The following PPP1R9A variants were observed in gnomAD, a reference collection of about 807,000 sequenced individuals.
PPP1R9A encodes the protein neurabin-1.
Under a neutral mutation model 141.9 loss-of-function variants are expected in PPP1R9A, and 59 were observed. That is an observed-to-expected ratio of 0.42 (90% CI 0.34 to 0.52). The LOEUF (loss-of-function observed/expected upper bound fraction) is 0.52. Among genes scored for constraint, PPP1R9A ranks in the 20% least tolerant of loss-of-function variants. The pLI is 0.10. For missense variants in PPP1R9A, 1,444 were observed against 1,611.9 expected (o/e 0.90, Z 1.78); for synonymous variants, 500 against 569.7 (o/e 0.88, Z 1.74).
intron 5 of PPP1R9A, chr7:95,175,031 A>C (rs1254742214): frequency 6.6e-6 from 1 of 152,172 alleles, no homozygotes; most frequent in Non-Finnish European, 1.5e-5. Flanking sequence ...TGGCTTCTCC[A>C]AAAAGTCATA....
chr7:95,127,835 T>C (rs1823846384), intron 4 of PPP1R9A, among the ~76,000 whole-genome samples: 1 of 152,206 alleles, frequency 6.6e-6, no homozygotes. Flanking sequence ...CTTGTTGCTG[T>C]GAAGGACATG....
At chr7:95,154,588 ACTT>A (rs1829283898) in intron 4 of PPP1R9A, 1 of 152,090 alleles carries the variant, frequency 6.6e-6, no homozygotes, top group African/African-American at 2.4e-5. Context: ...AGATTCATGA[ACTT>A]CTTATACTAT....
At chr7:95,123,156 GT>G (rs1822935409) in intron 4 of PPP1R9A, among the ~76,000 whole-genome samples, 1 of 151,580 alleles carries the variant, frequency 6.6e-6, no homozygotes, top group Admixed American at 6.6e-5. Context: ...TTAAAATTAG[GT>G]TTGCTTTCTA....
intron 2 of PPP1R9A, among the ~76,000 whole-genome samples, chr7:95,031,422 A>G (rs1807667480): frequency 6.6e-6 from 1 of 152,170 alleles, no homozygotes; most frequent in South Asian, 2.1e-4. Flanking sequence ...CTTGGGCATA[A>G]TATTGGATCT....
At chr7:94,954,861 GTGTA>G (rs909691076) in intron 2 of PPP1R9A, among the ~76,000 whole-genome samples, 4 of 139,118 alleles carry the variant, frequency 2.9e-5, no homozygotes, top group African/African-American at 1.1e-4. Context: ...GTGTGTGTGT[GTGTA>G]TATGTATATG....
At chr7:95,144,191 CT>C (rs2152584770) in intron 4 of PPP1R9A, among the ~76,000 whole-genome samples, 2 of 152,180 alleles carry the variant, frequency 1.3e-5, no homozygotes, top group East Asian at 3.9e-4. Flanking sequence ...GCCTTCTACT[CT>C]GTTTTTGTGT....
chr7:95,161,878 A>G lies in PPP1R9A; in HGVS notation c.1661A>G (p.Asn554Ser). Reference sequence around the variant, plus strand: ...TCCTCTTTCTAAAGAATACAAGTCAATGACCAGATTGTGGAAGTGGATGGA... The same window carrying G: ...TCCTCTTTCTAAAGAATACAAGTCAGTGACCAGATTGTGGAAGTGGATGGA... ...AAQRDGRIQV[N>S]DQIVEVDGIS... The change falls in exon 5 of 20, where the codon AAT becomes AGT. Residue 554 changes from asparagine to serine, a missense_variant. Coordinates refer to ENST00000433360, the MANE Select transcript of PPP1R9A (RefSeq NM_001166160.2). 1 of 1,607,876 alleles carries G rather than the reference A, an allele frequency of 6.2e-7. No homozygotes were observed.
chr7:94,950,089 A>AT (rs1159617697), intron 2 of PPP1R9A, among the ~76,000 whole-genome samples: 1 of 152,058 alleles, frequency 6.6e-6, no homozygotes, highest in East Asian at 1.9e-4. Flanking sequence ...ATAAGTTAGG[A>AT]TTTTATGGAA....
intron 2 of PPP1R9A, 46 bp from the exon 3 acceptor site, chr7:95,111,212 GT>G (rs759836663): frequency 0.03 from 36,108 of 1,203,512 alleles, 15 homozygotes; most frequent in South Asian, 0.037. Context: ...TACCTGGCAG[GT>G]TTTTTTTTTT....
intron 2 of PPP1R9A, among the ~76,000 whole-genome samples, chr7:95,081,397 AG>A (rs1815809331): frequency 6.6e-6 from 1 of 152,184 alleles, no homozygotes; most frequent in African/African-American, 2.4e-5. Context: ...TTGAGGTGCT[AG>A]AGAAAAACGT....
intron 5 of PPP1R9A, among the ~76,000 whole-genome samples, chr7:95,167,750 T>A (rs1831483835): frequency 6.6e-6 from 1 of 151,664 alleles, no homozygotes; most frequent in South Asian, 2.1e-4. Flanking sequence ...GCTGTTTCTA[T>A]ACAAAAATAA....
chr7:94,994,785 T>C (rs1336582754), intron 2 of PPP1R9A, among the ~76,000 whole-genome samples: 1 of 151,928 alleles, frequency 6.6e-6, no homozygotes, highest in Non-Finnish European at 1.5e-5. Context: ...TCCCAGCTAC[T>C]TGGGAGGCTG....
At chr7:95,136,885 A>G (rs1429157590) in intron 4 of PPP1R9A, among the ~76,000 whole-genome samples, 2 of 152,138 alleles carry the variant, frequency 1.3e-5, no homozygotes, top group East Asian at 1.9e-4. Flanking sequence ...ATACCACACA[A>G]TATCTGGTAA....
intron 12 of PPP1R9A, among the ~76,000 whole-genome samples, chr7:95,268,117 A>T (rs1196149832): frequency 2.6e-5 from 4 of 152,110 alleles, no homozygotes; most frequent in Non-Finnish European, 4.4e-5. Flanking sequence ...TATGATAGTT[A>T]CCTTCTGTTG....
At chr7:95,138,919 C>T (rs969928401) in intron 4 of PPP1R9A, among the ~76,000 whole-genome samples, 3 of 152,118 alleles carry the variant, frequency 2.0e-5, no homozygotes, top group African/African-American at 7.2e-5. Context: ...ATTTCACTGC[C>T]ACTTAGGAAA....
intron 4 of PPP1R9A, among the ~76,000 whole-genome samples, chr7:95,146,318 A>G (rs958737223): frequency 6.6e-6 from 1 of 152,182 alleles, no homozygotes; most frequent in Non-Finnish European, 1.5e-5. Flanking sequence ...GTGCCCGTTC[A>G]TATCCTTTGC....
At chr7:94,956,202 C>T (rs528975306) in intron 2 of PPP1R9A, among the ~76,000 whole-genome samples, 7 of 152,022 alleles carry the variant, frequency 4.6e-5, no homozygotes, top group East Asian at 1.9e-4. Context: ...TCTAAAGTAC[C>T]GGTGAGCATT....
At chr7:95,239,126 G>C (rs1256950865) in intron 8 of PPP1R9A, among the ~76,000 whole-genome samples, 1 of 151,972 alleles carries the variant, frequency 6.6e-6, no homozygotes, top group African/African-American at 2.4e-5. Context: ...ATGTGTTTTA[G>C]ACCTTCTGGA....
In PPP1R9A at chr7:94,973,578, T is replaced by C. The variant is rs558912966; in HGVS notation, c.1395+62070T>C. 7.9e-5 allele frequency among the ~76,000 whole-genome samples: 12 copies of C among 152,296 alleles called. No homozygotes were observed. In the South Asian group the frequency reaches 8.3e-4, roughly 11 times the overall value. On this transcript the variant is annotated intron_variant, in intron 2 of 19. Transcript: ENST00000433360. ...AATGAACATTTGTAATCAGAGTAGA[T>C]AATTCATAGGGGACAAGAGAGAGAT...
Sources: allele counts gnomAD v4.1 joint callset (sites outside exome capture counted in the v4.1 genomes callset), GRCh38; gene constraint gnomAD v4.1.1; transcripts MANE v1.5; gene names NCBI Gene and HGNC (gene_info 2026-07-23, HGNC 2026-07-21).